PPP2R2B: variants seen among roughly 807,000 people sequenced by gnomAD.
The protein encoded by PPP2R2B is protein phosphatase 2 regulatory subunit Bbeta.
In PPP2R2B, 5 loss-of-function variants were observed where a neutral mutation model predicts 46.0. The ratio of observed to expected loss-of-function variants is 0.11; its 90% CI spans 0.06 to 0.23. The LOEUF is 0.23. Ranked by LOEUF, PPP2R2B falls within the 10% of genes least tolerant of loss-of-function variation. The pLI is 1.00. For missense variants in PPP2R2B, 367 were observed against 575.0 expected (o/e 0.64, Z 3.70); for synonymous variants, 215 against 206.7 (o/e 1.04, Z -0.34).
intron 5 of PPP2R2B, among the ~76,000 whole-genome samples, chr5:146,662,415 A>G (rs1776726369): frequency 6.6e-6 from 1 of 152,166 alleles, no homozygotes; most frequent in African/African-American, 2.4e-5. Flanking sequence ...TCAGGGTTAC[A>G]TTGTCTGATT....
intron 2 of PPP2R2B, among the ~76,000 whole-genome samples, chr5:146,825,405 T>A (rs1758517641): frequency 6.6e-6 from 1 of 152,246 alleles, no homozygotes; most frequent in Non-Finnish European, 1.5e-5. Flanking sequence ...AAGCTTTGAT[T>A]TGTTTAGGCT....
At chr5:146,608,961 G>A (rs902372743) in intron 7 of PPP2R2B, among the ~76,000 whole-genome samples, 3 of 151,970 alleles carry the variant, frequency 2.0e-5, no homozygotes, top group Admixed American at 2.0e-4. Flanking sequence ...TACCAAAACC[G>A]GACAAAGATA....
intron 1 of PPP2R2B, among the ~76,000 whole-genome samples, chr5:146,984,684 C>T (rs1753339473): frequency 6.6e-6 from 1 of 151,936 alleles, no homozygotes; most frequent in African/African-American, 2.4e-5. Flanking sequence ...TTTACGTTTC[C>T]ACCAGCAGTG....
At chr5:146,832,958 A>G (rs1759053890) in intron 2 of PPP2R2B, among the ~76,000 whole-genome samples, 1 of 151,944 alleles carries the variant, frequency 6.6e-6, no homozygotes, top group Admixed American at 6.6e-5. Context: ...TCATTAACTG[A>G]CGCATGACTG....
intron 2 of PPP2R2B, among the ~76,000 whole-genome samples, chr5:146,831,379 C>T (rs551014256): frequency 6.6e-6 from 1 of 151,832 alleles, no homozygotes; most frequent in South Asian, 2.1e-4. Context: ...TGCCTGTAAG[C>T]CCAGCTACTC....
At chr5:146,962,152 C>T (rs2151842460) in intron 1 of PPP2R2B, among the ~76,000 whole-genome samples, 1 of 147,172 alleles carries the variant, frequency 6.8e-6, no homozygotes, top group South Asian at 2.3e-4. Flanking sequence ...CTCTTCTTTC[C>T]ACACGTGTAC....
At position 146,954,756 on chromosome 5, in the gene PPP2R2B, ATGTG is replaced by A. The variant is rs149370877; in HGVS notation, c.79+100905_79+100908del. Among the ~76,000 whole-genome samples, 1,088 of 146,738 alleles carry A rather than the reference ATGTG, an allele frequency of 7.4e-3. 8 individuals are homozygous for A. Among genetic ancestry groups the A allele is most frequent in the East Asian group, 0.023 (114 of 4,994 alleles). ...TATACATATATGAATATGTGTATAT[ATGTG>A]TGTGTGTGTGTGTGTGTGTGTGTGT... On this transcript the variant is annotated intron_variant, in intron 1 of 8. Coordinates refer to the PPP2R2B transcript ENST00000336640.
At chr5:146,753,053 A>C (rs1270165408) in intron 2 of PPP2R2B, among the ~76,000 whole-genome samples, 1 of 152,192 alleles carries the variant, frequency 6.6e-6, no homozygotes, top group Non-Finnish European at 1.5e-5. Context: ...GTGGAAAGAA[A>C]CACATTTTGG....
intron 6 of PPP2R2B, among the ~76,000 whole-genome samples, chr5:146,643,862 A>G (rs1243619670): frequency 6.6e-6 from 1 of 152,272 alleles, no homozygotes; most frequent in Non-Finnish European, 1.5e-5. Context: ...TCCATATCCT[A>G]AACTAGGCGA....
At position 146,758,143 on chromosome 5, in the gene PPP2R2B, C is replaced by T. The variant is rs115190716; in HGVS notation, c.71-57001G>A. On this transcript the variant is annotated intron_variant, in intron 2 of 9. Transcript: ENST00000394411. Reference sequence around the variant, plus strand: ...CACCCCTTCCTCTCAACATTAACATCAGTGATGTCTGCTTTCTCTGGAGTT... The same window carrying T: ...CACCCCTTCCTCTCAACATTAACATTAGTGATGTCTGCTTTCTCTGGAGTT... Among the ~76,000 whole-genome samples, 954 of 152,248 alleles carry T rather than the reference C, an allele frequency of 6.3e-3. 14 individuals are homozygous for T. The highest frequency in any genetic ancestry group is 0.022 in the African/African-American group (899 of 41,538).
chr5:146,956,163 C>T (rs779878807), intron 1 of PPP2R2B, among the ~76,000 whole-genome samples: 1 of 152,064 alleles, frequency 6.6e-6, no homozygotes, highest in Non-Finnish European at 1.5e-5. Flanking sequence ...AGGTAAAATA[C>T]ACATGTTCTT....
chr5:146,936,288 G>A (rs1764136707), intron 1 of PPP2R2B, among the ~76,000 whole-genome samples: 1 of 151,968 alleles, frequency 6.6e-6, no homozygotes, highest in Non-Finnish European at 1.5e-5. Flanking sequence ...CAATCATTGT[G>A]CCCATCCATT....
chr5:146,778,256 C>A (rs540145417), intron 2 of PPP2R2B, among the ~76,000 whole-genome samples: 1 of 152,260 alleles, frequency 6.6e-6, no homozygotes, highest in African/African-American at 2.4e-5. Context: ...TTTCATAAAG[C>A]AGATCACCTT....
chr5:146,906,306 C>CATTTATTTATTT (rs35217325), intron 1 of PPP2R2B, among the ~76,000 whole-genome samples: 2,342 of 149,260 alleles, frequency 0.016, 39 homozygotes, highest in African/African-American at 0.04. Context: ...TACCATTTTC[C>CATTTATTTATTT]ATTTATTTAT....
chr5:147,004,107 A>G (rs747228310), intron 1 of PPP2R2B, among the ~76,000 whole-genome samples: 61 of 152,278 alleles, frequency 4.0e-4, no homozygotes, highest in South Asian at 1.9e-3. Flanking sequence ...CCCTCAGACA[A>G]ACAGACCTTG....
intron 2 of PPP2R2B, chr5:147,080,990 A>C (rs1757953336): frequency 7.0e-7 from 1 of 1,418,616 alleles, no homozygotes; most frequent in Non-Finnish European, 9.5e-7. Flanking sequence ...TAAAGATGAA[A>C]GTTTTTAATT....
At chr5:146,992,216 G>T (rs1045494924) in intron 1 of PPP2R2B, among the ~76,000 whole-genome samples, 1 of 152,122 alleles carries the variant, frequency 6.6e-6, no homozygotes, top group African/African-American at 2.4e-5. Context: ...ACATATTCAT[G>T]TATAGTCAAT....
chr5:146,722,599 G>A (rs759475171), intron 2 of PPP2R2B, among the ~76,000 whole-genome samples: 42 of 152,322 alleles, frequency 2.8e-4, no homozygotes, highest in Non-Finnish European at 5.3e-4. Context: ...TCTAACAGAA[G>A]TAGGTGAAAT....
chr5:146,897,695 G>A (rs931698846), intron 1 of PPP2R2B, among the ~76,000 whole-genome samples: 4 of 151,938 alleles, frequency 2.6e-5, no homozygotes, highest in African/African-American at 9.7e-5. Flanking sequence ...TACTTTTAGG[G>A]CCAGAAATAA....
Sources: allele counts gnomAD v4.1 joint callset (sites outside exome capture counted in the v4.1 genomes callset), GRCh38; gene constraint gnomAD v4.1.1; transcripts MANE v1.5; gene names NCBI Gene and HGNC (gene_info 2026-07-23, HGNC 2026-07-21).